The following CYP19A1 variants were observed in gnomAD, a reference collection of about 807,000 sequenced individuals.
CYP19A1 encodes the protein aromatase.
Under a neutral mutation model 44.4 loss-of-function variants are expected in CYP19A1, and 32 were observed. The ratio of observed to expected loss-of-function variants is 0.72; its 90% CI spans 0.54 to 0.97. CYP19A1 has a LOEUF of 0.97. Ranked by LOEUF, CYP19A1 falls within the 50% of genes least tolerant of loss-of-function variation. The probability of loss-of-function intolerance (pLI) is 0.00; values close to 1 mark genes in which losing one functional copy is unlikely to be tolerated. For missense variants in CYP19A1, 598 were observed against 637.8 expected (o/e 0.94, Z 0.67); for synonymous variants, 212 against 215.6 (o/e 0.98, Z 0.14).
chr15:51,215,431 T>A (rs1408152514), intron 7 of CYP19A1, among the ~76,000 whole-genome samples, 199 bp from the exon 8 acceptor site: 1 of 152,236 alleles, frequency 6.6e-6, no homozygotes, highest in Non-Finnish European at 1.5e-5. Context: ...TATGTATATG[T>A]AGTGTCTTTG....
At position 51,227,925 on chromosome 15, in the gene CYP19A1, C is replaced by T. The variant is rs755257022; in HGVS notation, c.305G>A (p.Ser102Asn). 6.3e-7 allele frequency: 1 copy of T among 1,588,892 alleles called. No individual in the cohort carries two copies. The highest frequency in any genetic ancestry group is 8.6e-7 in the Non-Finnish European group (1 of 1,157,046). The change falls in exon 4 of 10, where the codon AGT becomes AAT. Residue 102 changes from serine (S) to asparagine (N), a missense_variant. Coordinates refer to ENST00000396402, the MANE Select transcript of CYP19A1 (RefSeq NM_000103.4). ...EETLIISKSS[S>N]MFHIMKHNHY... ...ATTGTGCTTCATTATGTGGAACATA[C>T]TTGAGGACCTGAAAAGACAGGAAAC...
chr15:51,319,940 C>T (rs922383529), intron 1 of CYP19A1, among the ~76,000 whole-genome samples: 3 of 152,248 alleles, frequency 2.0e-5, no homozygotes, highest in African/African-American at 7.2e-5. Context: ...CAGATGAGCT[C>T]ATGGATGTGA....
intron 1 of CYP19A1, among the ~76,000 whole-genome samples, chr15:51,336,726 C>G (rs2141034946): frequency 6.6e-6 from 1 of 152,290 alleles, no homozygotes; most frequent in Admixed American, 6.5e-5. Flanking sequence ...TTTTAAGGAC[C>G]ATTCTATTTA....
chr15:51,222,206 G>A (rs1180230919), intron 5 of CYP19A1, 143 bp downstream of exon 5: 10 of 1,462,452 alleles, frequency 6.8e-6, no homozygotes, highest in Non-Finnish European at 9.2e-6. Context: ...GAAACACTAG[G>A]GAAAAAAACG....
intron 1 of CYP19A1, among the ~76,000 whole-genome samples, chr15:51,315,556 A>G (rs1399530196): frequency 6.6e-6 from 1 of 152,210 alleles, no homozygotes; most frequent in African/African-American, 2.4e-5. Context: ...ACCCAGTTAT[A>G]TGGTTCTTGC....
In CYP19A1 at chr15:51,329,301, G is replaced by A. The variant is rs142590818; in HGVS notation, c.-39+9194C>T. ...ACAGGAGGCTACTGCTTCACACATA[G>A]GGCCCCACTCCAGACTCAGCAGGAG... On this transcript the variant is annotated intron_variant, in intron 1 of 9. Transcript: ENST00000396402. 7.1e-3 allele frequency among the ~76,000 whole-genome samples: 1,078 copies of A among 152,136 alleles called. 8 individuals are homozygous for A. Among genetic ancestry groups the A allele is most frequent in the Middle Eastern group, 0.027 (8 of 292 alleles).
At chr15:51,239,753 C>T (rs1321108807) in intron 2 of CYP19A1, among the ~76,000 whole-genome samples, 4 of 152,146 alleles carry the variant, frequency 2.6e-5, no homozygotes, top group African/African-American at 9.7e-5. Context: ...GGGTAACATC[C>T]GCTTTGTCAG....
chr15:51,211,500 C>T (rs757917613), intron 9 of CYP19A1, among the ~76,000 whole-genome samples: 1 of 152,176 alleles, frequency 6.6e-6, no homozygotes, highest in Non-Finnish European at 1.5e-5. Context: ...TGTAGTTATG[C>T]AGAAAATTAA....
intron 1 of CYP19A1, among the ~76,000 whole-genome samples, chr15:51,298,332 T>C (rs777598408): frequency 1.1e-4 from 17 of 152,210 alleles, no homozygotes; most frequent in Non-Finnish European, 2.2e-4. Context: ...TTATTTAGAT[T>C]TTGTACAATA....
intron 1 of CYP19A1, among the ~76,000 whole-genome samples, chr15:51,264,797 GA>G (rs1054924095): frequency 1.3e-5 from 2 of 152,122 alleles, no homozygotes; most frequent in Non-Finnish European, 2.9e-5. Flanking sequence ...GATGTTACTT[GA>G]TATCCTCAAA....
chr15:51,222,443 C>G lies in CYP19A1; in HGVS notation c.534G>C (p.Val178=). Reference sequence around the variant, plus strand: ...CGTCCACATAGCCCGATTCATTGGTCACCTCCTCCAACCTGTCCAGATGTG... The same window carrying G: ...CGTCCACATAGCCCGATTCATTGGTGACCTCCTCCAACCTGTCCAGATGTG... ...LKTHLDRLEE[V]TNESGYVDVL... Residue 178 remains valine (V), a synonymous_variant, in exon 5 of 10, where the codon GTG becomes GTC. Coordinates refer to ENST00000396402, the MANE Select transcript of CYP19A1 (RefSeq NM_000103.4). 6.2e-7 allele frequency: 1 copy of G among 1,614,166 alleles called. No homozygotes were observed. Among genetic ancestry groups the G allele is most frequent in the Middle Eastern group, 1.6e-4 (1 of 6,062 alleles).
intron 1 of CYP19A1, chr15:51,318,499 G>C (rs2036469356): frequency 6.6e-6 from 1 of 152,250 alleles, no homozygotes; most frequent in Non-Finnish European, 1.5e-5. Context: ...GTTCTACTTG[G>C]AGCCAGGAGC....
At chr15:51,226,677 A>G (rs1475810698) in intron 4 of CYP19A1, among the ~76,000 whole-genome samples, 1 of 151,332 alleles carries the variant, frequency 6.6e-6, no homozygotes, top group Non-Finnish European at 1.5e-5. Flanking sequence ...CCCAGATTCC[A>G]CCACTGACAA....
chr15:51,302,667 T>C (rs552691722), intron 1 of CYP19A1, among the ~76,000 whole-genome samples: 6 of 152,164 alleles, frequency 3.9e-5, no homozygotes, highest in Non-Finnish European at 7.4e-5. Flanking sequence ...TCTGGCTTCA[T>C]AACTAGCACC....
At chr15:51,259,441 G>A (rs566738053) in intron 1 of CYP19A1, among the ~76,000 whole-genome samples, 15 of 152,264 alleles carry the variant, frequency 9.9e-5, no homozygotes, top group African/African-American at 2.2e-4. Context: ...GGAGTGAATC[G>A]GACACTGCAC....
rs1434709835 is a variant in CYP19A1, at chr15:51,208,792, T to C, written c.*2016A>G. 7.8e-6 allele frequency: 1 copy of C among 128,748 alleles called. No homozygotes were observed. The highest frequency in any genetic ancestry group is 2.9e-5 in the African/African-American group (1 of 34,038). The allele number at this position is 128,748 out of a possible 1,614,324, so 8.0% of individuals were successfully genotyped here. A position where few individuals can be genotyped will look rare whatever the true frequency, so the allele number is the denominator to read the frequency against. On this transcript the variant is annotated 3_prime_UTR_variant, in exon 10 of 10. Transcript: ENST00000396402. Reference sequence around the variant, plus strand: ...TTCCACTCCCAGTTTTCCCCCAGGATATTTTTGTACCTGCAAAATAGATAT... The same window carrying C: ...TTCCACTCCCAGTTTTCCCCCAGGACATTTTTGTACCTGCAAAATAGATAT...
chr15:51,318,052 A>T (rs1328961571), intron 1 of CYP19A1, among the ~76,000 whole-genome samples: 1 of 152,118 alleles, frequency 6.6e-6, no homozygotes, highest in Non-Finnish European at 1.5e-5. Flanking sequence ...ATCTGGACCT[A>T]TCCTTAACTC....
intron 1 of CYP19A1, among the ~76,000 whole-genome samples, chr15:51,326,884 A>C (rs752686666): frequency 1.3e-5 from 2 of 152,188 alleles, no homozygotes; most frequent in African/African-American, 2.4e-5. Flanking sequence ...ATCGTTGTTT[A>C]CTGCATTTCA....
intron 1 of CYP19A1, among the ~76,000 whole-genome samples, chr15:51,336,689 G>T (rs2036781049): frequency 6.6e-6 from 1 of 152,164 alleles, no homozygotes; most frequent in African/African-American, 2.4e-5. Flanking sequence ...ATTCTCCAGA[G>T]CCCTAAAGTT....
Sources: gnomAD v4.1 joint callset for allele counts (sites outside exome capture counted in the v4.1 genomes callset) on GRCh38, gnomAD v4.1.1 for gene constraint, MANE v1.5 for transcripts, NCBI Gene and HGNC (gene_info 2026-07-23, HGNC 2026-07-21) for gene names.